Variants in ERICH1 observed in about 807,000 individuals in gnomAD.
The protein encoded by ERICH1 is glutamate-rich protein 1.
In ERICH1, 56 loss-of-function variants were observed where a neutral mutation model predicts 39.6. The observed-to-expected ratio is 1.41, with a 90% CI of 1.14 to 1.77. The LOEUF is 1.77. ERICH1 is among the 40% of genes most tolerant of loss of function. ERICH1 has a pLI of 0.00. For synonymous variants in ERICH1, 313 were observed against 223.6 expected (o/e 1.40, Z -3.57); for missense variants, 826 against 575.4 (o/e 1.44, Z -4.45).
intron 3 of ERICH1, among the ~76,000 whole-genome samples, chr8:678,306 G>A (rs1337419499): frequency 7.2e-5 from 11 of 152,118 alleles, no homozygotes; most frequent in Non-Finnish European, 1.5e-4. Flanking sequence ...TCGGGAACAC[G>A]GAAGTGCCGA....
At chr8:617,321 G>T (rs1584922706) in intron 3 of ERICH1, among the ~76,000 whole-genome samples, 1 of 152,148 alleles carries the variant, frequency 6.6e-6, no homozygotes, top group East Asian at 1.9e-4. Flanking sequence ...TCCTCAGAGG[G>T]CTTCCCCCAC....
At chr8:730,990 G>A in intron 1 of ERICH1, 150 bp downstream of exon 1, 2 of 917,298 alleles carry the variant, frequency 2.2e-6, no homozygotes, top group Non-Finnish European at 2.9e-6. Flanking sequence ...AGCGGGGGAT[G>A]GGTAGGGACT....
chr8:663,971 G>C (rs1229305631), downstream of ERICH1, among the ~76,000 whole-genome samples: 3 of 152,140 alleles, frequency 2.0e-5, no homozygotes, highest in Non-Finnish European at 4.4e-5. Context: ...GTGTTAGCCA[G>C]GATGCTCTCG....
chr8:618,690 C>A (rs960841166), intron 3 of ERICH1, among the ~76,000 whole-genome samples: 7 of 152,180 alleles, frequency 4.6e-5, no homozygotes, highest in African/African-American at 1.7e-4. Context: ...TCACACACAG[C>A]ACGCTTGGAA....
chr8:712,619 C>T (rs1265807204), intron 2 of ERICH1, among the ~76,000 whole-genome samples: 7 of 152,020 alleles, frequency 4.6e-5, no homozygotes, highest in African/African-American at 1.7e-4. Flanking sequence ...TTAGTAGAGA[C>T]GGGGTTTCTA....
At chr8:627,561 G>A (rs907621161) in intron 3 of ERICH1, among the ~76,000 whole-genome samples, 2 of 152,204 alleles carry the variant, frequency 1.3e-5, no homozygotes, top group African/African-American at 4.8e-5. Flanking sequence ...CCAGAACCAT[G>A]TGGCCAGGGG....
At chr8:695,792 C>A (rs1585392845) in intron 2 of ERICH1, among the ~76,000 whole-genome samples, 1 of 147,124 alleles carries the variant, frequency 6.8e-6, no homozygotes, top group East Asian at 2.1e-4. Flanking sequence ...CCCCATCAAC[C>A]TGCACCTGTG....
chr8:673,691 C>G lies in ERICH1; in HGVS notation c.661G>C (p.Ala221Pro). ...VDTSEEDPTL[A>P]GEEDVKDTRE... Reference sequence around the variant, plus strand: ...GTATCTTTAACGTCTTCCTCCCCGGCCAGTGTCGGGTCTTCCTCGCTGGTG... The same window carrying G: ...GTATCTTTAACGTCTTCCTCCCCGGGCAGTGTCGGGTCTTCCTCGCTGGTG... Residue 221 changes from alanine to proline, a missense_variant, in exon 4 of 6, where the codon GCC becomes CCC. Transcript: ENST00000262109. 1 of 1,613,860 alleles carries G rather than the reference C, an allele frequency of 6.2e-7. No individual in the cohort carries two copies. The highest frequency in any genetic ancestry group is 8.5e-7 in the Non-Finnish European group (1 of 1,179,832).
At chr8:639,338 T>C (rs1584995440) in intron 3 of ERICH1, among the ~76,000 whole-genome samples, 1 of 152,136 alleles carries the variant, frequency 6.6e-6, no homozygotes, top group East Asian at 1.9e-4. Context: ...CTTCCCAGGC[T>C]GCATATCAAG....
chr8:676,493 C>T (rs1251078283), intron 3 of ERICH1, among the ~76,000 whole-genome samples: 1 of 144,730 alleles, frequency 6.9e-6, no homozygotes, highest in East Asian at 2.1e-4. Flanking sequence ...AGAGACGCGG[C>T]GGCCCCTCGT....
At chr8:716,728 A>G (rs939112300) in intron 1 of ERICH1, among the ~76,000 whole-genome samples, 6 of 152,320 alleles carry the variant, frequency 3.9e-5, no homozygotes, top group South Asian at 2.1e-4. Context: ...CACAGTGGAA[A>G]TCAGCACTCC....
intron 3 of ERICH1, among the ~76,000 whole-genome samples, chr8:647,127 C>T (rs11780921): frequency 0.43 from 28,546 of 66,410 alleles, 12,883 homozygotes; most frequent in East Asian, 0.81. Flanking sequence ...AGGCCCTTGG[C>T]GCGCCCTTGG....
intron 3 of ERICH1, 74 bp from the exon 4 acceptor site, chr8:674,121 T>C: frequency 6.9e-7 from 1 of 1,453,812 alleles, no homozygotes; most frequent in Non-Finnish European, 9.1e-7. Flanking sequence ...TAAATAAATT[T>C]TCCATCAGGA....
chr8:664,522 G>C lies in ERICH1; in HGVS notation c.*81C>G, dbSNP rs1165611338. 6 of 1,470,108 alleles carry C rather than the reference G, an allele frequency of 4.1e-6. No homozygotes were observed. In the East Asian group the frequency reaches 1.4e-4, roughly 34 times the overall value. The allele number at this position is 1,470,108 out of a possible 1,614,324, so 91.1% of individuals were successfully genotyped here. A position where few individuals can be genotyped will look rare whatever the true frequency, so the allele number is the denominator to read the frequency against. On this transcript the variant is annotated 3_prime_UTR_variant, in exon 6 of 6. Coordinates refer to ENST00000262109, the MANE Select transcript of ERICH1 (RefSeq NM_207332.3). ...CATAAATGTCTTTCAAGTTCCCAGA[G>C]AACTAACTCTAAGCCCATCTCACAT...
downstream of ERICH1, among the ~76,000 whole-genome samples, chr8:659,845 GGGGGTGA>G (rs1801149863): frequency 1.4e-5 from 1 of 68,972 alleles, no homozygotes; most frequent in Non-Finnish European, 3.3e-5. Flanking sequence ...ATCCTGGGGA[GGGGGTGA>G]CCATCGAGAT....
At chr8:708,681 G>GTTTT (rs139731216) in intron 2 of ERICH1, among the ~76,000 whole-genome samples, 662 of 65,664 alleles carry the variant, frequency 0.01, 83 homozygotes, top group African/African-American at 0.033. Context: ...GGGATAATGA[G>GTTTT]TTTTTTTTTT....
At chr8:619,384 C>G (rs1178662651) in intron 3 of ERICH1, among the ~76,000 whole-genome samples, 3 of 152,126 alleles carry the variant, frequency 2.0e-5, no homozygotes, top group Non-Finnish European at 2.9e-5. Context: ...TCTTTCTTCT[C>G]AACTTATTTT....
At chr8:622,521 G>C (rs1046253990) in intron 3 of ERICH1, among the ~76,000 whole-genome samples, 1 of 152,132 alleles carries the variant, frequency 6.6e-6, no homozygotes, top group African/African-American at 2.4e-5. Context: ...CGTGATCTTG[G>C]ACTGTCCAGC....
At position 673,288 on chromosome 8, in the gene ERICH1, C is replaced by A; in HGVS notation, c.1063+1G>T. The stretch of plus-strand genomic sequence containing the variant: ...CAAGAGAAAAACAGTAAAAAACATA[C>A]CGTCATAAAAATACATTTCCTGTGT... On this transcript the variant is annotated splice_donor_variant, in intron 4 of 5. Coordinates refer to ENST00000262109, the MANE Select transcript of ERICH1 (RefSeq NM_207332.3). LOFTEE classifies it high-confidence loss of function. The A allele has an allele frequency of 6.3e-7, 1 of 1,595,208 alleles. No individual in the cohort carries two copies. The highest frequency in any genetic ancestry group is 8.6e-7 in the Non-Finnish European group (1 of 1,166,302).
Sources: gnomAD v4.1 joint callset for allele counts (sites outside exome capture counted in the v4.1 genomes callset) on GRCh38, gnomAD v4.1.1 for gene constraint, MANE v1.5 for transcripts, NCBI Gene and HGNC (gene_info 2026-07-23, HGNC 2026-07-21) for gene names.